The following MAGI1 variants were observed in gnomAD, a reference collection of about 807,000 sequenced individuals.
MAGI1 encodes the protein membrane-associated guanylate kinase, WW and PDZ domain-containing protein 1.
In MAGI1, 58 loss-of-function variants were observed where a neutral mutation model predicts 139.9. That is an observed-to-expected ratio of 0.41 (90% confidence interval 0.34 to 0.52). The LOEUF (loss-of-function observed/expected upper bound fraction) is 0.52. Among genes scored for constraint, MAGI1 ranks in the 20% least tolerant of loss-of-function variants. The pLI is 0.12. For missense variants in MAGI1, 1,874 were observed against 1,901.6 expected, an observed-to-expected ratio of 0.99 and a Z score of 0.27; for synonymous variants, 812 against 737.9, an observed-to-expected ratio of 1.10 and a Z score of -1.63.
At chr3:65,663,968 T>A (rs2086357564) in intron 1 of MAGI1, among the ~76,000 whole-genome samples, 1 of 152,138 alleles carries the variant, frequency 6.6e-6, no homozygotes, top group African/African-American at 2.4e-5. Context: ...TCAAGTCGTG[T>A]TGACAGATAG....
intron 13 of MAGI1, among the ~76,000 whole-genome samples, chr3:65,400,854 G>A (rs1169032794): frequency 1.5e-5 from 2 of 132,492 alleles, no homozygotes; most frequent in Non-Finnish European, 3.1e-5. Flanking sequence ...CATTTCTACA[G>A]CAAGGAAATG....
intron 1 of MAGI1, among the ~76,000 whole-genome samples, chr3:65,977,024 A>G (rs996300795): frequency 3.3e-5 from 5 of 152,236 alleles, no homozygotes. Flanking sequence ...CTCAGCAGGT[A>G]ATCTTTCAAA....
intron 1 of MAGI1, among the ~76,000 whole-genome samples, chr3:65,880,336 T>C (rs1364768686): frequency 6.6e-6 from 1 of 152,176 alleles, no homozygotes; most frequent in Non-Finnish European, 1.5e-5. Context: ...CTGGCAGTGA[T>C]GGCTGCTGTC....
intron 13 of MAGI1, among the ~76,000 whole-genome samples, chr3:65,398,270 T>A (rs549401388): frequency 3.4e-4 from 52 of 152,240 alleles, no homozygotes; most frequent in Non-Finnish European, 7.1e-4. Flanking sequence ...TCCCAGCACA[T>A]TGGGAGGCCA....
chr3:66,019,755 T>C (rs2067861185), intron 1 of MAGI1, among the ~76,000 whole-genome samples: 1 of 152,184 alleles, frequency 6.6e-6, no homozygotes, highest in African/African-American at 2.4e-5. Flanking sequence ...TCTTACCTCA[T>C]CCATACTCAA....
chr3:65,992,575 C>T (rs2066238638), intron 1 of MAGI1, among the ~76,000 whole-genome samples: 1 of 152,176 alleles, frequency 6.6e-6, no homozygotes, highest in Non-Finnish European at 1.5e-5. Flanking sequence ...AGGACCCTTC[C>T]AAGGGGATCT....
intron 1 of MAGI1, among the ~76,000 whole-genome samples, chr3:65,887,169 T>C (rs543167828): frequency 1.3e-4 from 20 of 152,236 alleles, no homozygotes; most frequent in African/African-American, 3.8e-4. Flanking sequence ...TATTTTTATC[T>C]GTATAGAAAA....
At chr3:65,699,604 A>G (rs1196392101) in intron 1 of MAGI1, among the ~76,000 whole-genome samples, 98 of 149,352 alleles carry the variant, frequency 6.6e-4, no homozygotes, top group African/African-American at 2.1e-3. Flanking sequence ...GGAAATCATC[A>G]TTCTCAGTAA....
intron 10 of MAGI1, among the ~76,000 whole-genome samples, chr3:65,435,154 A>G (rs1947744623): frequency 6.6e-6 from 1 of 152,316 alleles, no homozygotes; most frequent in South Asian, 2.1e-4. Context: ...TAAGCCACCT[A>G]GTCTATGGCA....
chr3:65,491,027 G>A (rs1034013790), intron 3 of MAGI1, among the ~76,000 whole-genome samples: 2 of 152,158 alleles, frequency 1.3e-5, no homozygotes, highest in Middle Eastern at 3.4e-3. Context: ...CAAAGGCACC[G>A]TTTTCTACAA....
At chr3:65,845,559 G>A (rs1332146110) in intron 1 of MAGI1, among the ~76,000 whole-genome samples, 1 of 152,168 alleles carries the variant, frequency 6.6e-6, no homozygotes, top group Non-Finnish European at 1.5e-5. Context: ...ATCATCCAAT[G>A]CATCAGATCT....
intron 2 of MAGI1, among the ~76,000 whole-genome samples, chr3:65,582,682 T>C (rs1036160465): frequency 1.3e-5 from 2 of 152,164 alleles, no homozygotes; most frequent in African/African-American, 4.8e-5. Context: ...CAATTCTCTG[T>C]CTTGAACTTT....
intron 1 of MAGI1, among the ~76,000 whole-genome samples, chr3:66,007,261 T>G (rs1467126850): frequency 6.6e-6 from 1 of 152,110 alleles, no homozygotes; most frequent in Non-Finnish European, 1.5e-5. Context: ...CGGTAGAACT[T>G]TATCAGTTCT....
chr3:65,652,724 CTGAG>C (rs974923628), intron 1 of MAGI1, among the ~76,000 whole-genome samples: 9 of 152,094 alleles, frequency 5.9e-5, no homozygotes, highest in Non-Finnish European at 1.2e-4. Context: ...TAGGAATCAC[CTGAG>C]TTTTAGTAGG....
chr3:65,720,162 T>C (rs2032833011), intron 1 of MAGI1: 1 of 152,188 alleles, frequency 6.6e-6, no homozygotes, highest in South Asian at 2.1e-4. Context: ...GGGTAAGTGT[T>C]GGATTAATAT....
intron 1 of MAGI1, among the ~76,000 whole-genome samples, chr3:65,950,106 ACAGAACT>A (rs2063757272): frequency 1.2e-5 from 1 of 84,206 alleles, no homozygotes; most frequent in Non-Finnish European, 2.0e-5. Flanking sequence ...AAAAAAAAAA[ACAGAACT>A]AGCAATATTA....
chr3:65,715,598 G>A (rs1429421492), intron 1 of MAGI1, among the ~76,000 whole-genome samples: 1 of 152,082 alleles, frequency 6.6e-6, no homozygotes, highest in East Asian at 1.9e-4. Context: ...GAAATGGCAG[G>A]TACAAAAAGA....
chr3:65,462,794 T>C (rs1445307651), intron 5 of MAGI1, among the ~76,000 whole-genome samples: 2 of 152,170 alleles, frequency 1.3e-5, no homozygotes, highest in Admixed American at 6.5e-5. Context: ...CTTATCTCCT[T>C]GAGCAGTGGT....
At chr3:65,980,665 A>G (rs2065527426) in intron 1 of MAGI1, among the ~76,000 whole-genome samples, 4 of 151,962 alleles carry the variant, frequency 2.6e-5, no homozygotes, top group Non-Finnish European at 5.9e-5. Context: ...GGGTATATAT[A>G]AGAGAACTAG....
Sources: gnomAD v4.1 joint callset for allele counts (sites outside exome capture counted in the v4.1 genomes callset) on GRCh38, gnomAD v4.1.1 for gene constraint, MANE v1.5 for transcripts, NCBI Gene and HGNC (gene_info 2026-07-23, HGNC 2026-07-21) for gene names.